TRERF1: variants seen among roughly 807,000 people sequenced by gnomAD.
TRERF1 encodes the protein transcriptional regulating factor 1.
Under a neutral mutation model 122.9 loss-of-function variants are expected in TRERF1, and 27 were observed. That is an observed-to-expected ratio of 0.22 (90% CI 0.16 to 0.30). The LOEUF (loss-of-function observed/expected upper bound fraction) is 0.30, where lower values mean the gene tolerates loss of function less well. Ranked by LOEUF, TRERF1 falls within the 10% of genes least tolerant of loss-of-function variation. The probability of loss-of-function intolerance (pLI) is 1.00; values close to 1 mark genes in which losing one functional copy is unlikely to be tolerated. For synonymous variants in TRERF1, 636 were observed against 641.7 expected (o/e 0.99, Z 0.13); for missense variants, 1,248 against 1,560.3 (o/e 0.80, Z 3.37).
chr6:42,319,547 C>G (rs1359491516), intron 3 of TRERF1, among the ~76,000 whole-genome samples: 5 of 152,124 alleles, frequency 3.3e-5, no homozygotes, highest in African/African-American at 7.2e-5. Flanking sequence ...ATGAGCCTGG[C>G]ACACTGGCTC....
At chr6:42,236,254 A>G in exon 16 of TRERF1, 1 of 1,612,020 alleles carries the variant, frequency 6.2e-7, no homozygotes, top group Non-Finnish European at 8.5e-7. Flanking sequence ...GGGCTGGCCC[A>G]GGGCCTGCAG....
intron 4 of TRERF1, among the ~76,000 whole-genome samples, chr6:42,297,613 GA>G (rs761288419): frequency 5.9e-5 from 9 of 152,220 alleles, no homozygotes; most frequent in Admixed American, 1.3e-4. Context: ...TCTCTCTGCT[GA>G]AAATGTGTAA....
At chr6:42,328,004 C>CTTTTTTTTTTTTTT (rs36069546) in intron 3 of TRERF1, among the ~76,000 whole-genome samples, 3 of 107,994 alleles carry the variant, frequency 2.8e-5, no homozygotes, top group Non-Finnish European at 3.9e-5. Flanking sequence ...TTCTTTCTTT[C>CTTTTTTTTTTTTTT]TTTTTTTTTT....
intron 16 of TRERF1, 145 bp downstream of exon 16, chr6:42,236,060 C>T: frequency 7.7e-7 from 1 of 1,306,094 alleles, no homozygotes. Flanking sequence ...CCAAATGAAG[C>T]AGAAAACAAT....
At chr6:42,278,914 CAT>C (rs1781773449) in intron 4 of TRERF1, among the ~76,000 whole-genome samples, 2 of 152,174 alleles carry the variant, frequency 1.3e-5, no homozygotes, top group Admixed American at 1.3e-4. Flanking sequence ...ACTGAGGCCT[CAT>C]AGCTCAGACC....
chr6:42,397,747 C>T (rs553067948), intron 2 of TRERF1, among the ~76,000 whole-genome samples: 5 of 152,102 alleles, frequency 3.3e-5, no homozygotes, highest in Non-Finnish European at 7.4e-5. Flanking sequence ...CCCACTCAAG[C>T]GAAGTGTATG....
chr6:42,314,547 C>A (rs1369398040), intron 3 of TRERF1, among the ~76,000 whole-genome samples: 1 of 152,192 alleles, frequency 6.6e-6, no homozygotes, highest in African/African-American at 2.4e-5. Context: ...AGACAAAACT[C>A]CCTGCCCTCA....
chr6:42,415,894 A>G (rs1196986182), intron 2 of TRERF1, among the ~76,000 whole-genome samples: 2 of 152,174 alleles, frequency 1.3e-5, no homozygotes, highest in African/African-American at 4.8e-5. Context: ...TAATTTTATT[A>G]TGATCACACT....
intron 3 of TRERF1, among the ~76,000 whole-genome samples, chr6:42,326,312 G>T (rs1764294143): frequency 6.6e-6 from 1 of 152,210 alleles, no homozygotes; most frequent in African/African-American, 2.4e-5. Flanking sequence ...GAATCAGTAG[G>T]TTCCAAAGCC....
At chr6:42,315,768 C>T (rs764554517) in intron 3 of TRERF1, among the ~76,000 whole-genome samples, 2 of 137,384 alleles carry the variant, frequency 1.5e-5, no homozygotes, top group African/African-American at 5.6e-5. Context: ...GGCTGGAGAA[C>T]GCTGCAAGTC....
intron 13 of TRERF1, among the ~76,000 whole-genome samples, chr6:42,253,549 A>G (rs1776209349): frequency 6.6e-6 from 1 of 152,176 alleles, no homozygotes; most frequent in African/African-American, 2.4e-5. Context: ...CCAAGCAGGA[A>G]ATGATGGAGA....
At chr6:42,427,831 T>C (rs1307084139) in intron 2 of TRERF1, among the ~76,000 whole-genome samples, 2 of 152,088 alleles carry the variant, frequency 1.3e-5, no homozygotes, top group African/African-American at 2.4e-5. Context: ...ATTACAGGCA[T>C]GAGCCACCAC....
intron 3 of TRERF1, among the ~76,000 whole-genome samples, chr6:42,350,243 A>G (rs1403088935): frequency 1.3e-5 from 2 of 152,178 alleles, no homozygotes; most frequent in Non-Finnish European, 2.9e-5. Flanking sequence ...ACAAGCCCTC[A>G]CGTTTTGCAG....
At position 42,263,417 on chromosome 6, in the gene TRERF1, T is replaced by G. The variant is rs985700764; in HGVS notation, c.1787A>C (p.Lys596Thr). ...GTTGGTGAACCCCTGAGAGCTGGGCTTGGGCGGGAGAAGCTTGACAGGGAC... is the reference window on the plus strand; with the variant it reads ...GTTGGTGAACCCCTGAGAGCTGGGCGTGGGCGGGAGAAGCTTGACAGGGAC... Residue 596 changes from lysine (K) to threonine (T), a missense_variant, in exon 8 of 18, where the codon AAG (lysine) becomes ACG (threonine). Lys to Thr is a moderately conservative substitution (Grantham distance 78). Coordinates refer to ENST00000372922, the Ensembl canonical transcript of TRERF1. This position sits in a 1 kb window ranked among gnomAD's most constrained non-coding sequence, Gnocchi z 5.6. The G allele has an allele frequency of 1.2e-6, 2 of 1,611,710 alleles. No individual in the cohort carries two copies. Among genetic ancestry groups the G allele is most frequent in the African/African-American group, 2.7e-5 (2 of 74,856 alleles).
At chr6:42,250,776 C>T (rs1018026075) in intron 13 of TRERF1, among the ~76,000 whole-genome samples, 8 of 152,140 alleles carry the variant, frequency 5.3e-5, no homozygotes, top group Admixed American at 1.3e-4. Context: ...TGGATGAAAC[C>T]GGTGCTGGAA....
chr6:42,298,895 G>C (rs1407101598), intron 4 of TRERF1, among the ~76,000 whole-genome samples: 2 of 152,044 alleles, frequency 1.3e-5, no homozygotes, highest in African/African-American at 4.8e-5. Context: ...AGCCAAGATT[G>C]TGTCACTGTA....
intron 3 of TRERF1, among the ~76,000 whole-genome samples, chr6:42,343,111 A>G (rs1446005231): frequency 6.6e-6 from 1 of 152,114 alleles, no homozygotes; most frequent in Non-Finnish European, 1.5e-5. Context: ...GTTGAGCCAC[A>G]ACTCCATCCA....
At chr6:42,336,094 C>T (rs1766119196) in intron 3 of TRERF1, among the ~76,000 whole-genome samples, 2 of 152,352 alleles carry the variant, frequency 1.3e-5, no homozygotes, top group South Asian at 4.1e-4. Flanking sequence ...GTGGCTACCA[C>T]ATGGGACAGC....
intron 13 of TRERF1, among the ~76,000 whole-genome samples, chr6:42,253,403 C>A (rs1324747595): frequency 6.6e-6 from 1 of 152,148 alleles, no homozygotes; most frequent in Non-Finnish European, 1.5e-5. Flanking sequence ...CTTGAGACAG[C>A]CTCCAGGAGG....
Sources: gnomAD v4.1 joint callset for allele counts (sites outside exome capture counted in the v4.1 genomes callset) on GRCh38, gnomAD v4.1.1 for gene constraint, Gnocchi (gnomAD v3.1) non-coding constraint, MANE v1.5 for transcripts, NCBI Gene and HGNC (gene_info 2026-07-23, HGNC 2026-07-21) for gene names.